Variants in NCOA2 observed in about 807,000 individuals in gnomAD.
The protein encoded by NCOA2 is nuclear receptor coactivator 2.
In NCOA2, 21 loss-of-function variants were observed where a neutral mutation model predicts 145.1. The observed-to-expected ratio is 0.14, with a 90% CI of 0.10 to 0.21. NCOA2 has a LOEUF of 0.21. NCOA2 is among the 10% of genes least tolerant of loss of function. The pLI is 1.00. For missense variants in NCOA2, 1,472 were observed against 1,837.6 expected (o/e 0.80, Z 3.64); for synonymous variants, 619 against 637.5 (o/e 0.97, Z 0.44).
chr8:70,184,071 TA>T (rs1308605456), intron 4 of NCOA2, among the ~76,000 whole-genome samples: 2 of 152,216 alleles, frequency 1.3e-5, no homozygotes, highest in Admixed American at 6.5e-5. Flanking sequence ...TCTGATTTTT[TA>T]TTTTTGGAGT....
chr8:70,174,997 T>A, intron 4 of NCOA2, 138 bp from the exon 5 acceptor site: 1 of 724,170 alleles, frequency 1.4e-6, no homozygotes, highest in Non-Finnish European at 2.3e-6. Flanking sequence ...AGTACATCCC[T>A]GTTGCCCCTA....
At chr8:70,127,748 T>C (rs1024207773) in intron 18 of NCOA2, among the ~76,000 whole-genome samples, 15 of 152,236 alleles carry the variant, frequency 9.9e-5, no homozygotes, top group South Asian at 2.1e-4. Flanking sequence ...CAGTCATTCG[T>C]AGACATGAGC....
rs1481454254 is a variant in NCOA2 at position 70,128,806 on chromosome 8, T to C, written c.3499A>G (p.Thr1167Ala). 2 of 1,614,030 alleles carry C rather than the reference T, an allele frequency of 1.2e-6. No homozygotes were observed. The highest frequency in any genetic ancestry group is 1.7e-6 in the Non-Finnish European group (2 of 1,179,906). ...CCCGGTCTGGGCTGCATACGGAGTGTGGCATAACTAGGCCGCTGTCCCATG... is the reference window on the plus strand; with the variant it reads ...CCCGGTCTGGGCTGCATACGGAGTGCGGCATAACTAGGCCGCTGTCCCATG... ...HTMGQRPSYA[T>A]LRMQPRPGLR... is the part of the protein sequence containing the mutation. Residue 1167 changes from threonine to alanine, a missense_variant, in exon 17 of 23, where the codon ACA (threonine) becomes GCA (alanine). Thr to Ala is a moderately conservative substitution (Grantham distance 58). Coordinates refer to ENST00000452400, the MANE Select transcript of NCOA2 (RefSeq NM_006540.4).
chr8:70,124,374 A>T (rs1209007183), intron 20 of NCOA2, among the ~76,000 whole-genome samples: 16 of 148,794 alleles, frequency 1.1e-4, no homozygotes, highest in Non-Finnish European at 1.8e-4. Flanking sequence ...TTTTTTTTTT[A>T]AAGTCTTTGC....
chr8:70,199,957 A>T (rs1300251023), intron 4 of NCOA2, among the ~76,000 whole-genome samples: 2 of 152,204 alleles, frequency 1.3e-5, no homozygotes, highest in Admixed American at 6.5e-5. Flanking sequence ...GATTGAAAAT[A>T]TTCAGGAAAA....
chr8:70,249,977 A>AAAGAAGAAG (rs1554606850), intron 2 of NCOA2, among the ~76,000 whole-genome samples: 1 of 137,916 alleles, frequency 7.3e-6, no homozygotes, highest in African/African-American at 2.8e-5. Flanking sequence ...AAAAAAAAAA[A>AAAGAAGAAG]AAGAAGAAGA....
At chr8:70,227,261 T>A (rs1410900116) in intron 2 of NCOA2, among the ~76,000 whole-genome samples, 2 of 152,204 alleles carry the variant, frequency 1.3e-5, no homozygotes, top group Non-Finnish European at 2.9e-5. Flanking sequence ...GTGGGTTCTT[T>A]ACCTCAATCA....
intron 4 of NCOA2, among the ~76,000 whole-genome samples, chr8:70,212,287 T>C (rs1819123525): frequency 6.6e-6 from 1 of 152,134 alleles, no homozygotes; most frequent in Non-Finnish European, 1.5e-5. Flanking sequence ...CTAAGAGTTC[T>C]AGGAATATTA....
chr8:70,439,951 G>A, the NCOA2 span, among the ~76,000 whole-genome samples: 1 of 152,192 alleles, frequency 6.6e-6, no homozygotes, highest in Admixed American at 6.5e-5. Context: ...AAGACAAGGT[G>A]TCAAGAGAGC....
At chr8:70,419,138 T>C in the NCOA2 span, among the ~76,000 whole-genome samples, 1 of 152,184 alleles carries the variant, frequency 6.6e-6, no homozygotes, top group African/African-American at 2.4e-5. Context: ...AGATTCTTTA[T>C]TGAACAAACC....
At chr8:70,283,181 G>T (rs1826007183) in intron 2 of NCOA2, among the ~76,000 whole-genome samples, 1 of 152,200 alleles carries the variant, frequency 6.6e-6, no homozygotes, top group African/African-American at 2.4e-5. Flanking sequence ...TTGAAGAGAG[G>T]CTTCCAACAG....
chr8:70,269,286 T>G (rs1284010658), intron 2 of NCOA2, among the ~76,000 whole-genome samples: 1 of 152,116 alleles, frequency 6.6e-6, no homozygotes, highest in Non-Finnish European at 1.5e-5. Flanking sequence ...GACCTTCTTG[T>G]GACAACTGCA....
At chr8:70,169,663 A>ACC (rs1167384255) in intron 6 of NCOA2, among the ~76,000 whole-genome samples, 1 of 152,156 alleles carries the variant, frequency 6.6e-6, no homozygotes, top group East Asian at 1.9e-4. Flanking sequence ...GGGGATAAAT[A>ACC]CCCCATCTCC....
intron 3 of NCOA2, among the ~76,000 whole-genome samples, chr8:70,216,314 AAAC>A (rs2133937114): frequency 6.6e-6 from 1 of 152,358 alleles, no homozygotes; most frequent in Non-Finnish European, 1.5e-5. Context: ...TTTAAAAATA[AAAC>A]AACAAAAATA....
intron 1 of NCOA2, among the ~76,000 whole-genome samples, chr8:70,305,865 C>T (rs931153684): frequency 3.3e-5 from 5 of 152,272 alleles, no homozygotes; most frequent in Admixed American, 2.6e-4. Context: ...CTTTGCAACT[C>T]ACTGTGTAGG....
At chr8:70,190,229 G>A (rs1816533224) in intron 4 of NCOA2, among the ~76,000 whole-genome samples, 1 of 152,122 alleles carries the variant, frequency 6.6e-6, no homozygotes, top group Admixed American at 6.5e-5. Flanking sequence ...AACATACCCT[G>A]CAGGAATAAA....
At chr8:70,175,267 C>T (rs1357844210) in intron 4 of NCOA2, among the ~76,000 whole-genome samples, 2 of 152,236 alleles carry the variant, frequency 1.3e-5, no homozygotes, top group African/African-American at 2.4e-5. Flanking sequence ...GATTTGCACA[C>T]ATTTGAAGAA....
chr8:70,223,461 T>C (rs958556452), intron 2 of NCOA2, among the ~76,000 whole-genome samples: 4 of 152,206 alleles, frequency 2.6e-5, no homozygotes, highest in Non-Finnish European at 5.9e-5. Context: ...TTGCTAACAT[T>C]TATTGAAGAC....
At chr8:70,323,837 G>T (rs1362271776) in intron 1 of NCOA2, among the ~76,000 whole-genome samples, 2 of 152,078 alleles carry the variant, frequency 1.3e-5, no homozygotes, top group African/African-American at 2.4e-5. Flanking sequence ...AAAATTTAAA[G>T]AATAATATGT....
Sources: allele counts gnomAD v4.1 joint callset (sites outside exome capture counted in the v4.1 genomes callset), GRCh38; gene constraint gnomAD v4.1.1; transcripts MANE v1.5; gene names NCBI Gene and HGNC (gene_info 2026-07-23, HGNC 2026-07-21).